NCOR1: variants seen among roughly 807,000 people sequenced by gnomAD.
NCOR1 encodes the protein protein phosphatase 1, regulatory subunit 109.
In NCOR1, 63 loss-of-function variants were observed where a neutral mutation model predicts 288.1. The ratio of observed to expected loss-of-function variants is 0.22; its 90% CI spans 0.18 to 0.27. The LOEUF (loss-of-function observed/expected upper bound fraction) is 0.27. NCOR1 is among the 10% of genes least tolerant of loss of function. NCOR1 has a pLI of 1.00. For missense variants in NCOR1, 2,397 were observed against 3,019.2 expected, an observed-to-expected ratio of 0.79 and a Z score of 4.83; for synonymous variants, 1,007 against 1,065.9, an observed-to-expected ratio of 0.94 and a Z score of 1.08.
At position 16,101,607 on chromosome 17, in the gene NCOR1, T is replaced by C. The variant is rs2152997344; in HGVS notation, c.2333A>G (p.Glu778Gly). The C allele has an allele frequency of 1.2e-6, 2 of 1,614,198 alleles. No individual in the cohort carries two copies. The highest frequency in any genetic ancestry group is 1.7e-6 in the Non-Finnish European group (2 of 1,180,026). ...AVPSTKPAEDESVETQVNDSI... is the reference protein window; with the variant it reads ...AVPSTKPAEDGSVETQVNDSI... ...GTCATTCACCTGGGTCTCCACACTT[T>C]CATCTTCAGCTGGTTTTGTACTTGG... is the stretch of plus-strand genomic sequence containing the variant. The change falls in exon 20 of 46, where the codon GAA becomes GGA. Residue 778 changes from glutamate (E) to glycine (G), a missense_variant. Glu to Gly is a moderately conservative substitution (Grantham distance 98). Coordinates refer to ENST00000268712, the MANE Select transcript of NCOR1 (RefSeq NM_006311.4).
chr17:16,172,453 T>G (rs188133336), intron 3 of NCOR1, among the ~76,000 whole-genome samples: 1 of 152,100 alleles, frequency 6.6e-6, no homozygotes, highest in Non-Finnish European at 1.5e-5. Flanking sequence ...CTGAAGAATA[T>G]CTATAAACTA....
intron 42 of NCOR1, chr17:16,044,483 G>A (rs1477688148): frequency 8.4e-6 from 4 of 475,182 alleles, no homozygotes; most frequent in Non-Finnish European, 1.7e-5. Context: ...CAGAAATAAA[G>A]CAGATCGTCC....
Position 16,038,394 on chromosome 17 carries a change from T to C in NCOR1, c.6955+1039A>G, listed in dbSNP as rs550537298. Among the ~76,000 whole-genome samples, 198 of 152,218 alleles carry C rather than the reference T, an allele frequency of 1.3e-3. 1 individual carries two copies. Among genetic ancestry groups the C allele is most frequent in the African/African-American group, 4.5e-3 (188 of 41,538 alleles). ...ACAAGCATTAGCATTCCGGATGATG[T>C]GATCTGAAGAACTGTTTCTTTTTCT... On this transcript the variant is annotated intron_variant, in intron 44 of 45. Coordinates refer to ENST00000268712, the MANE Select transcript of NCOR1 (RefSeq NM_006311.4).
At chr17:16,055,950 G>A (rs972387316) in intron 40 of NCOR1, among the ~76,000 whole-genome samples, 2 of 152,034 alleles carry the variant, frequency 1.3e-5, no homozygotes, top group Admixed American at 1.3e-4. Flanking sequence ...GGGCAAGCGG[G>A]GATGAAAATG....
At chr17:16,068,612 C>G (rs983747833) in intron 31 of NCOR1, among the ~76,000 whole-genome samples, 5 of 152,110 alleles carry the variant, frequency 3.3e-5, no homozygotes, top group Admixed American at 3.3e-4. Context: ...ATATCTATCA[C>G]CTCCCTACTC....
chr17:16,166,034 A>C (rs562702577), intron 4 of NCOR1, among the ~76,000 whole-genome samples: 1 of 152,364 alleles, frequency 6.6e-6, no homozygotes, highest in African/African-American at 2.4e-5. Flanking sequence ...TCAAGAATGC[A>C]TACAAGAGAT....
chr17:16,182,190 A>C (rs987095838), intron 3 of NCOR1, among the ~76,000 whole-genome samples: 3 of 152,186 alleles, frequency 2.0e-5, no homozygotes, highest in Non-Finnish European at 4.4e-5. Context: ...TTCACATAGA[A>C]GCCTGCCTGT....
At chr17:16,113,477 T>C (rs961217067) in intron 18 of NCOR1, among the ~76,000 whole-genome samples, 4 of 152,236 alleles carry the variant, frequency 2.6e-5, no homozygotes, top group Admixed American at 2.6e-4. Flanking sequence ...TAACAGATTT[T>C]TCAGATACTT....
At chr17:16,071,018 C>T (rs887277569) in intron 30 of NCOR1, among the ~76,000 whole-genome samples, 4 of 151,966 alleles carry the variant, frequency 2.6e-5, no homozygotes, top group Non-Finnish European at 4.4e-5. Context: ...CAGTGGCTCA[C>T]GCCTGTGATC....
intron 42 of NCOR1, chr17:16,041,066 A>T (rs2057467767): frequency 6.5e-6 from 1 of 152,862 alleles, no homozygotes. Flanking sequence ...CTGGGATGTG[A>T]TCCAGAGGAA....
intron 18 of NCOR1, among the ~76,000 whole-genome samples, chr17:16,113,960 A>C (rs2070929033): frequency 6.6e-6 from 1 of 151,990 alleles, no homozygotes; most frequent in Admixed American, 6.6e-5. Flanking sequence ...AAACATTATC[A>C]ATCTTTTATC....
intron 1 of NCOR1, among the ~76,000 whole-genome samples, chr17:16,201,387 C>A (rs991713178): frequency 9.9e-5 from 15 of 151,156 alleles, no homozygotes; most frequent in Admixed American, 9.9e-4. Context: ...TCACTAGAAG[C>A]CAAGAGTTTG....
At chr17:16,113,387 G>A (rs1192716864) in intron 18 of NCOR1, among the ~76,000 whole-genome samples, 4 of 152,096 alleles carry the variant, frequency 2.6e-5, no homozygotes, top group Admixed American at 1.3e-4. Context: ...ATTACATTAA[G>A]TAATCTAATG....
chr17:16,082,924 T>G (rs956601647), intron 23 of NCOR1, among the ~76,000 whole-genome samples: 5 of 152,096 alleles, frequency 3.3e-5, no homozygotes, highest in African/African-American at 9.7e-5. Flanking sequence ...CATGAAAAAC[T>G]TAACATTCTG....
At chr17:16,058,414 A>G (rs1251294273) in intron 38 of NCOR1, 57 bp downstream of exon 38, 2 of 1,589,290 alleles carry the variant, frequency 1.3e-6, no homozygotes, top group African/African-American at 1.3e-5. Flanking sequence ...AGATAATTAG[A>G]AGCAAATGAT....
Position 16,146,368 on chromosome 17 carries a change from C to T in NCOR1, c.1082+8G>A. 6.3e-7 allele frequency: 1 copy of T among 1,579,648 alleles called. No individual in the cohort carries two copies. Among genetic ancestry groups the T allele is most frequent in the Non-Finnish European group, 8.6e-7 (1 of 1,168,668 alleles). ...AATATCACAGTCATTAAACATCAAA[C>T]TACTCACCGCTGAAATCTTTCTTGC... is the stretch of plus-strand genomic sequence containing the variant. On this transcript the variant is annotated splice_region_variant and intron_variant, in intron 10 of 45. Transcript: ENST00000268712.
rs771574263 is a variant in NCOR1, at chr17:16,117,912, G to T, written c.2031C>A (p.Asn677Lys). 4 of 1,614,018 alleles carry T rather than the reference G, an allele frequency of 2.5e-6. No homozygotes were observed. Among genetic ancestry groups the T allele is most frequent in the South Asian group, 2.2e-5 (2 of 91,044 alleles). Residue 677 changes from asparagine (N) to lysine (K), a missense_variant, in exon 18 of 46, where the codon AAC (asparagine) becomes AAA (lysine). Coordinates refer to ENST00000268712, the MANE Select transcript of NCOR1 (RefSeq NM_006311.4). ...CTTTCTGTTTATGCTGCTGTAAGAG[G>T]TTGTCAAGATTGTGTCGCCTTTTAT... The part of the protein sequence containing the change: ...FNYKRRHNLD[N>K]LLQQHKQKTS...
intron 21 of NCOR1, among the ~76,000 whole-genome samples, chr17:16,096,723 C>G (rs967007269): frequency 2.0e-5 from 3 of 152,114 alleles, no homozygotes; most frequent in Non-Finnish European, 4.4e-5. Flanking sequence ...AGAGTTTACT[C>G]AAAGTTAGAC....
At chr17:16,170,921 G>T (rs1242307608) in intron 4 of NCOR1, among the ~76,000 whole-genome samples, 1 of 151,754 alleles carries the variant, frequency 6.6e-6, no homozygotes, top group Non-Finnish European at 1.5e-5. Flanking sequence ...CAAAAGATGG[G>T]TAAATAAAAA....
Sources: allele counts gnomAD v4.1 joint callset (sites outside exome capture counted in the v4.1 genomes callset), GRCh38; gene constraint gnomAD v4.1.1; transcripts MANE v1.5; gene names NCBI Gene and HGNC (gene_info 2026-07-23, HGNC 2026-07-21).